Variants in HPSE2 observed in about 807,000 individuals in gnomAD.
The protein encoded by HPSE2 is inactive heparanase-2.
In HPSE2, 38 loss-of-function variants were observed where a neutral mutation model predicts 60.5. The ratio of observed to expected loss-of-function variants is 0.63; its 90% CI spans 0.48 to 0.82. The LOEUF (loss-of-function observed/expected upper bound fraction) is 0.82. Among genes scored for constraint, HPSE2 ranks in the 40% least tolerant of loss-of-function variants. The pLI, the probability that HPSE2 is intolerant of heterozygous loss-of-function variation, is 0.00. For missense variants in HPSE2, 713 were observed against 740.4 expected (o/e 0.96, Z 0.43); for synonymous variants, 295 against 293.2 (o/e 1.01, Z -0.06).
intron 9 of HPSE2, among the ~76,000 whole-genome samples, chr10:98,607,078 TCTCCCTCC>T (rs976304041): frequency 2.0e-5 from 2 of 98,254 alleles, no homozygotes; most frequent in Non-Finnish European, 3.8e-5. Flanking sequence ...TCCCTCCCTC[TCTCCCTCC>T]CTCCCTCCCT....
chr10:99,097,152 C>G (rs1196767406), intron 3 of HPSE2, among the ~76,000 whole-genome samples: 1 of 152,168 alleles, frequency 6.6e-6, no homozygotes, highest in African/African-American at 2.4e-5. Context: ...TCTCACTCTA[C>G]AAACATACTT....
the HPSE2 span, among the ~76,000 whole-genome samples, chr10:99,278,700 C>A: frequency 2.0e-5 from 3 of 152,158 alleles, no homozygotes; most frequent in Non-Finnish European, 4.4e-5. Flanking sequence ...GGATTTAAAT[C>A]CCAGTTCCAC....
At chr10:98,689,173 A>T (rs972645895) in intron 6 of HPSE2, among the ~76,000 whole-genome samples, 1 of 152,182 alleles carries the variant, frequency 6.6e-6, no homozygotes, top group African/African-American at 2.4e-5. Context: ...ATTTAAAAAA[A>T]AAATTTCTGC....
chr10:98,754,949 A>T lies in HPSE2; in HGVS notation c.611-10893T>A, dbSNP rs184981420. Among the ~76,000 whole-genome samples, 167 of 152,070 alleles carry T rather than the reference A, an allele frequency of 1.1e-3. 3 individuals carry two copies. Among genetic ancestry groups the T allele is most frequent in the African/African-American group, 3.7e-3 (155 of 41,530 alleles). On this transcript the variant is annotated intron_variant, in intron 3 of 11. Coordinates refer to ENST00000370552, the MANE Select transcript of HPSE2 (RefSeq NM_021828.5). ...TACAAAAACACACTTGATTGACACT[A>T]TAAAGCAACTACACAATCAAGTCTG...
At chr10:99,124,251 T>C (rs1050282286) in intron 3 of HPSE2, among the ~76,000 whole-genome samples, 6 of 152,126 alleles carry the variant, frequency 3.9e-5, no homozygotes, top group Non-Finnish European at 8.8e-5. Flanking sequence ...AGGGAGAAAG[T>C]GTGTACTGAT....
intron 6 of HPSE2, among the ~76,000 whole-genome samples, chr10:98,670,092 C>T (rs1947467478): frequency 6.6e-6 from 1 of 152,120 alleles, no homozygotes; most frequent in Non-Finnish European, 1.5e-5. Flanking sequence ...GCGTCATTGT[C>T]ATGTTTCAAG....
At chr10:99,007,757 G>A (rs1440499579) in intron 3 of HPSE2, among the ~76,000 whole-genome samples, 1 of 152,200 alleles carries the variant, frequency 6.6e-6, no homozygotes, top group Non-Finnish European at 1.5e-5. Flanking sequence ...AACAGAAACA[G>A]ATGACAAAAT....
chr10:98,505,890 T>C (rs1268836132), intron 9 of HPSE2, among the ~76,000 whole-genome samples: 5 of 152,210 alleles, frequency 3.3e-5, no homozygotes, highest in Admixed American at 3.3e-4. Context: ...TGTCCTGTAC[T>C]AATACCACAC....
intron 3 of HPSE2, among the ~76,000 whole-genome samples, chr10:98,917,305 A>G (rs1379611356): frequency 6.6e-6 from 1 of 152,226 alleles, no homozygotes; most frequent in Admixed American, 6.5e-5. Flanking sequence ...TTAGGTATTC[A>G]ATAAACATAA....
At chr10:98,865,901 A>T (rs1257608278) in intron 3 of HPSE2, among the ~76,000 whole-genome samples, 1 of 152,126 alleles carries the variant, frequency 6.6e-6, no homozygotes, top group Non-Finnish European at 1.5e-5. Flanking sequence ...TATAAGCAAG[A>T]CAGGAAAGGA....
chr10:98,482,648 C>T lies in HPSE2; in HGVS notation c.1601G>A (p.Gly534Asp), dbSNP rs762857117. Residue 534 changes from glycine to aspartate, a missense_variant, in exon 11 of 12, where the codon GGC becomes GAC. Physicochemically the swap from Gly to Asp is moderately conservative, Grantham distance 94. Coordinates refer to ENST00000370552, the MANE Select transcript of HPSE2 (RefSeq NM_021828.5). ...GGTTGGCACGTACTTGGACTTTAGG[C>T]CCTCCTGCCCATAGGGCTGCAGCAG... Reference protein sequence around the residue: ...QYLLQPYGQEGLKSKSVQLNG... With the variant: ...QYLLQPYGQEDLKSKSVQLNG... 7.4e-6 allele frequency: 12 copies of T among 1,614,180 alleles called. No individual in the cohort carries two copies. Among genetic ancestry groups the T allele is most frequent in the East Asian group, 4.5e-5 (2 of 44,878 alleles).
intron 3 of HPSE2, among the ~76,000 whole-genome samples, chr10:98,877,998 T>C (rs1023950062): frequency 3.9e-5 from 6 of 151,902 alleles, no homozygotes; most frequent in Non-Finnish European, 8.8e-5. Context: ...CCTCAGAGAA[T>C]GCTAATATAG....
At chr10:98,701,424 G>A (rs1433075863) in intron 5 of HPSE2, among the ~76,000 whole-genome samples, 1 of 147,672 alleles carries the variant, frequency 6.8e-6, no homozygotes, top group Non-Finnish European at 1.5e-5. Context: ...CTCACTCATA[G>A]GTGGGAACTG....
intron 3 of HPSE2, among the ~76,000 whole-genome samples, chr10:99,080,085 CAATT>C (rs1408450854): frequency 6.6e-6 from 1 of 152,128 alleles, no homozygotes; most frequent in Non-Finnish European, 1.5e-5. Flanking sequence ...AAAAGCCTCT[CAATT>C]AGTTTTTGGA....
intron 11 of HPSE2, among the ~76,000 whole-genome samples, chr10:98,477,430 T>C (rs998274901): frequency 5.9e-5 from 9 of 152,136 alleles, no homozygotes; most frequent in African/African-American, 2.2e-4. Context: ...CACCTCCCAG[T>C]GTCACTCCAC....
At chr10:99,172,773 G>C (rs991905475) in intron 2 of HPSE2, among the ~76,000 whole-genome samples, 1 of 152,146 alleles carries the variant, frequency 6.6e-6, no homozygotes, top group Non-Finnish European at 1.5e-5. Flanking sequence ...ATCTACTTGG[G>C]AGGCTGTGGC....
chr10:99,175,777 T>C (rs1847501839), intron 2 of HPSE2, among the ~76,000 whole-genome samples: 1 of 152,112 alleles, frequency 6.6e-6, no homozygotes, highest in African/African-American at 2.4e-5. Context: ...TATGCTAAGG[T>C]ACAGACTGCC....
intron 2 of HPSE2, among the ~76,000 whole-genome samples, chr10:99,193,524 G>A (rs1485284508): frequency 1.3e-5 from 2 of 151,220 alleles, no homozygotes; most frequent in Admixed American, 6.6e-5. Flanking sequence ...CCCAGTGATC[G>A]GCTGCCTACA....
chr10:98,745,403 C>T lies in HPSE2; in HGVS notation c.611-1347G>A, dbSNP rs146210423. ...TGTCTACTTCTAGATTCTTCCCATC[C>T]GGCCAATTCATCTTCCCCCAGTCAC... On this transcript the variant is annotated intron_variant, in intron 3 of 11. Coordinates refer to ENST00000370552, the MANE Select transcript of HPSE2 (RefSeq NM_021828.5). 3.9e-4 allele frequency among the ~76,000 whole-genome samples: 60 copies of T among 152,184 alleles called. 1 individual carries two copies. The East Asian group carries it at 9.1e-3, about 23-fold the overall frequency.
Sources: gnomAD v4.1 joint callset for allele counts (sites outside exome capture counted in the v4.1 genomes callset) on GRCh38, gnomAD v4.1.1 for gene constraint, MANE v1.5 for transcripts, NCBI Gene and HGNC (gene_info 2026-07-23, HGNC 2026-07-21) for gene names.